FTO: variants seen among roughly 807,000 people sequenced by gnomAD.
FTO encodes alpha-ketoglutarate-dependent dioxygenase FTO.
A neutral mutation model predicts 63.9 loss-of-function variants in FTO; 47 were observed. That is an observed-to-expected ratio of 0.74 (90% CI 0.58 to 0.94). The LOEUF (loss-of-function observed/expected upper bound fraction) is 0.94, where lower values mean the gene tolerates loss of function less well. Among genes scored for constraint, FTO ranks in the 40% least tolerant of loss-of-function variants. The pLI is 0.00. For missense variants in FTO, 562 were observed against 618.1 expected, an observed-to-expected ratio of 0.91 and a Z score of 0.96; for synonymous variants, 207 against 224.4, an observed-to-expected ratio of 0.92 and a Z score of 0.69.
Position 54,112,284 on chromosome 16 carries a change from C to G in FTO, c.*369C>G, listed in dbSNP as rs2086908599. Reference sequence around the variant, plus strand: ...GAGACTCTGGAGTGGACCCAGCCCTCTGGGGAAAGACAGAACTTAGAGACA... The same window carrying G: ...GAGACTCTGGAGTGGACCCAGCCCTGTGGGGAAAGACAGAACTTAGAGACA... On this transcript the variant is annotated 3_prime_UTR_variant, in exon 9 of 9. Coordinates refer to ENST00000471389, the MANE Select transcript of FTO (RefSeq NM_001080432.3). 4.0e-5 allele frequency: 13 copies of G among 321,332 alleles called. 1 individual carries two copies. Among genetic ancestry groups the G allele is most frequent in the South Asian group, 3.8e-4 (13 of 34,528 alleles). The allele number at this position is 321,332 out of a possible 1,614,324, so 19.9% of individuals were successfully genotyped here. A position where few individuals can be genotyped will look rare whatever the true frequency, so the allele number is the denominator to read the frequency against.
chr16:53,886,059 T>C (rs2080987756), intron 6 of FTO, among the ~76,000 whole-genome samples: 1 of 152,198 alleles, frequency 6.6e-6, no homozygotes, highest in Non-Finnish European at 1.5e-5. Context: ...TTAACCATGA[T>C]ACTATCTGCC....
At chr16:54,040,447 C>T (rs1366437878) in intron 8 of FTO, 1 of 152,184 alleles carries the variant, frequency 6.6e-6, no homozygotes, top group Non-Finnish European at 1.5e-5. Context: ...GAGAAATCTA[C>T]CCTAAAGTTG....
intron 8 of FTO, chr16:54,054,608 C>T (rs1459619328): frequency 2.6e-5 from 4 of 152,180 alleles, no homozygotes; most frequent in Admixed American, 2.6e-4. Flanking sequence ...TTGCCATTGT[C>T]ACCGGTAGTC....
At chr16:53,911,524 CTA>C (rs2081704955) in intron 7 of FTO, 1 of 702,214 alleles carries the variant, frequency 1.4e-6, no homozygotes, top group Non-Finnish European at 2.6e-6. Context: ...ATAGGTGAAT[CTA>C]TAGATGCATT....
chr16:53,846,267 T>C lies in FTO; in HGVS notation c.895+1969T>C, dbSNP rs2079618038. Among the ~76,000 whole-genome samples the C allele has an allele frequency of 2.0e-5, 3 of 152,294 alleles. No individual in the cohort carries two copies. The South Asian group carries it at 6.2e-4, about 32-fold the overall frequency. ...GTCTCTCCTGCCTGATCTCAGGAAGTAAGTTTATTTTTTAAAGTCCCTACC... is the reference window on the plus strand; with the variant it reads ...GTCTCTCCTGCCTGATCTCAGGAAGCAAGTTTATTTTTTAAAGTCCCTACC... On this transcript the variant is annotated intron_variant, in intron 4 of 8. Coordinates refer to ENST00000471389, the MANE Select transcript of FTO (RefSeq NM_001080432.3).
At chr16:54,034,829 C>G (rs144053628) in intron 8 of FTO, among the ~76,000 whole-genome samples, 2 of 152,282 alleles carry the variant, frequency 1.3e-5, no homozygotes, top group East Asian at 3.9e-4. Context: ...AAAATTAAAG[C>G]TGGTCTCTGT....
intron 8 of FTO, among the ~76,000 whole-genome samples, chr16:54,102,163 A>C (rs2144598711): frequency 6.6e-6 from 1 of 152,274 alleles, no homozygotes; most frequent in South Asian, 2.1e-4. Context: ...TCTTAAGTTT[A>C]ATTAGATCCT....
chr16:53,816,970 C>T (rs1241524417), intron 2 of FTO, among the ~76,000 whole-genome samples: 1 of 152,146 alleles, frequency 6.6e-6, no homozygotes, highest in African/African-American at 2.4e-5. Context: ...GCTTTTCCTT[C>T]CCAATTATTC....
intron 8 of FTO, among the ~76,000 whole-genome samples, chr16:53,944,479 G>A (rs2082611304): frequency 6.6e-6 from 1 of 152,198 alleles, no homozygotes; most frequent in Non-Finnish European, 1.5e-5. Context: ...TAAAAGTTGT[G>A]CTACCTTCTT....
At chr16:53,759,573 A>T (rs1237897471) in intron 1 of FTO, among the ~76,000 whole-genome samples, 1 of 151,882 alleles carries the variant, frequency 6.6e-6, no homozygotes, top group African/African-American at 2.4e-5. Flanking sequence ...GGGCACCTGT[A>T]ATCCCAGCTG....
At chr16:53,951,963 G>T in intron 8 of FTO, among the ~76,000 whole-genome samples, 1 of 152,080 alleles carries the variant, frequency 6.6e-6, no homozygotes, top group East Asian at 1.9e-4. Flanking sequence ...AGAAACATAT[G>T]TTTCAATCAT....
At chr16:53,923,023 G>A (rs1053861126) in intron 7 of FTO, 7 of 152,262 alleles carry the variant, frequency 4.6e-5, no homozygotes, top group East Asian at 3.9e-4. Context: ...TAGAATGCAC[G>A]TAATAGTGAC....
intron 3 of FTO, among the ~76,000 whole-genome samples, chr16:53,834,235 A>G (rs1369585486): frequency 1.3e-5 from 2 of 152,122 alleles, no homozygotes; most frequent in African/African-American, 4.8e-5. Context: ...CATGTTAGCC[A>G]GGATGGTCTT....
intron 4 of FTO, among the ~76,000 whole-genome samples, chr16:53,846,706 G>A (rs543663176): frequency 1.6e-3 from 249 of 151,558 alleles, no homozygotes; most frequent in Non-Finnish European, 3.2e-3. Context: ...GGAGGCTGAG[G>A]CATGAGAATT....
intron 3 of FTO, among the ~76,000 whole-genome samples, chr16:53,843,704 T>C (rs924082431): frequency 4.6e-5 from 7 of 152,210 alleles, no homozygotes; most frequent in Middle Eastern, 3.2e-3. Context: ...TTTTTATTTA[T>C]ATTATGTCCA....
chr16:53,873,846 C>G lies in FTO; in HGVS notation c.956C>G (p.Ser319Cys). Reference protein sequence around the residue: ...VLAGSQPRFSSTHRVAECSTG... With the variant: ...VLAGSQPRFSCTHRVAECSTG... The stretch of plus-strand genomic sequence containing the variant: ...GCCGGTTCACAACCTCGGTTTAGTT[C>G]CACCCACCGAGTGGCAGAGGTAAGT... Residue 319 changes from serine to cysteine, a missense_variant, in exon 5 of 9, where the codon TCC becomes TGC. Ser to Cys is a moderately radical substitution (Grantham distance 112). Transcript: ENST00000471389. The G allele has an allele frequency of 6.2e-7, 1 of 1,612,522 alleles. No homozygotes were observed. Among genetic ancestry groups the G allele is most frequent in the Non-Finnish European group, 8.5e-7 (1 of 1,178,894 alleles).
rs1311393804 is a variant in FTO, at chr16:54,118,760, G to C, written c.*6845G>C. 1 of 152,110 alleles carries C rather than the reference G, an allele frequency of 6.6e-6. No homozygotes were observed. The highest frequency in any genetic ancestry group is 1.5e-5 in the Non-Finnish European group (1 of 68,056). The allele number at this position is 152,110 out of a possible 1,614,324, so 9.4% of individuals were successfully genotyped here. On this transcript the variant is annotated 3_prime_UTR_variant, in exon 9 of 9. Transcript: ENST00000471389. Reference sequence around the variant, plus strand: ...CCCTTCTTCCCTTCCCAGCCTCCGAGAGAAGGAGAGAGGGTCCACAAGCCA... The same window carrying C: ...CCCTTCTTCCCTTCCCAGCCTCCGACAGAAGGAGAGAGGGTCCACAAGCCA...
chr16:54,006,287 G>A (rs1173442586), intron 8 of FTO, among the ~76,000 whole-genome samples: 12 of 152,198 alleles, frequency 7.9e-5, no homozygotes, highest in Non-Finnish European at 1.2e-4. Flanking sequence ...CTTAGCTGAA[G>A]CCTTCATCAG....
intron 7 of FTO, among the ~76,000 whole-genome samples, chr16:53,932,565 T>G (rs1464623834): frequency 6.6e-6 from 1 of 152,026 alleles, no homozygotes; most frequent in Non-Finnish European, 1.5e-5. Flanking sequence ...AATTTTTGTA[T>G]TTTTAGTAGA....
Sources: gnomAD v4.1 joint callset for allele counts (sites outside exome capture counted in the v4.1 genomes callset) on GRCh38, gnomAD v4.1.1 for gene constraint, MANE v1.5 for transcripts, NCBI Gene and HGNC (gene_info 2026-07-23, HGNC 2026-07-21) for gene names.